INPP4B: variants seen among roughly 807,000 people sequenced by gnomAD.
The protein encoded by INPP4B is inositol polyphosphate-4-phosphatase type II B.
In INPP4B, 55 loss-of-function variants were observed where a neutral mutation model predicts 122.5. That is an observed-to-expected ratio of 0.45 (90% CI 0.36 to 0.56). The LOEUF is 0.56. Ranked by LOEUF, INPP4B falls within the 20% of genes least tolerant of loss-of-function variation. INPP4B has a pLI of 0.00. For synonymous variants in INPP4B, 403 were observed against 388.7 expected (o/e 1.04, Z -0.43); for missense variants, 1,000 against 1,097.7 (o/e 0.91, Z 1.26).
At chr4:142,253,987 C>T (rs1416755398) in intron 11 of INPP4B, among the ~76,000 whole-genome samples, 1 of 152,150 alleles carries the variant, frequency 6.6e-6, no homozygotes, top group East Asian at 1.9e-4. Flanking sequence ...AGTGGTTCTC[C>T]CAGCTCGCAG....
intron 22 of INPP4B, among the ~76,000 whole-genome samples, chr4:142,111,351 T>C (rs954129807): frequency 2.0e-5 from 3 of 152,112 alleles, no homozygotes; most frequent in Non-Finnish European, 4.4e-5. Flanking sequence ...TGATCTTTTT[T>C]TGTTTGTTTT....
At chr4:142,679,471 A>G (rs1758280380) in intron 2 of INPP4B, among the ~76,000 whole-genome samples, 1 of 151,896 alleles carries the variant, frequency 6.6e-6, no homozygotes, top group South Asian at 2.1e-4. Context: ...TTATGGCACT[A>G]GAGTTTTTTA....
At chr4:142,104,129 A>G (rs1313010157) in intron 23 of INPP4B, among the ~76,000 whole-genome samples, 1 of 152,094 alleles carries the variant, frequency 6.6e-6, no homozygotes, top group African/African-American at 2.4e-5. Flanking sequence ...CACAAAAGAT[A>G]TGGGCATTAT....
chr4:142,170,288 TAAG>T (rs1263919043), intron 16 of INPP4B, among the ~76,000 whole-genome samples: 1 of 151,728 alleles, frequency 6.6e-6, no homozygotes, highest in Non-Finnish European at 1.5e-5. Context: ...CAATTATCCA[TAAG>T]AAGGCATAAC....
intron 1 of INPP4B, among the ~76,000 whole-genome samples, chr4:142,781,016 T>G (rs912513942): frequency 6.6e-6 from 1 of 152,176 alleles, no homozygotes; most frequent in African/African-American, 2.4e-5. Context: ...TAATACTCAC[T>G]GAATTTGTGA....
rs184900813 is a variant in INPP4B at position 142,427,172 on chromosome 4, A to T, written c.136+2001T>A. The T allele has an allele frequency of 2.9e-4, 55 of 190,568 alleles. No homozygotes were observed. In the East Asian group the frequency reaches 5.9e-3, roughly 21 times the overall value. 11.8% of individuals were successfully genotyped at this position (190,568 alleles called of 1,614,324 possible). A position where few individuals can be genotyped will look rare whatever the true frequency, so the allele number is the denominator to read the frequency against. On this transcript the variant is annotated intron_variant, in intron 5 of 25. Coordinates refer to ENST00000262992, the MANE Select transcript of INPP4B (RefSeq NM_001101669.3). ...TAATACCCTTGAAAGAGTAGTTTTTAAAAAATTCTTCAAGAAATGGTGTAG... is the reference window on the plus strand; with the variant it reads ...TAATACCCTTGAAAGAGTAGTTTTTTAAAAATTCTTCAAGAAATGGTGTAG...
intron 2 of INPP4B, among the ~76,000 whole-genome samples, chr4:142,641,889 G>A (rs1750559498): frequency 6.6e-6 from 1 of 152,186 alleles, no homozygotes. Flanking sequence ...CACCAACAGT[G>A]TAAAAGTGTT....
intron 2 of INPP4B, among the ~76,000 whole-genome samples, chr4:142,464,321 G>A (rs1817313109): frequency 6.6e-6 from 1 of 152,064 alleles, no homozygotes; most frequent in African/African-American, 2.4e-5. Flanking sequence ...GTCAAAAGAT[G>A]TAGTAACTCA....
At chr4:142,272,369 T>A (rs1746282812) in intron 9 of INPP4B, among the ~76,000 whole-genome samples, 2 of 152,002 alleles carry the variant, frequency 1.3e-5, no homozygotes, top group South Asian at 4.1e-4. Flanking sequence ...AAATTTCTGA[T>A]AGCATGTACA....
chr4:142,642,093 C>T (rs377565172), intron 2 of INPP4B, among the ~76,000 whole-genome samples: 48 of 152,172 alleles, frequency 3.2e-4, no homozygotes, highest in East Asian at 9.7e-4. Context: ...TCATATCCTT[C>T]GCCCACTTGT....
chr4:142,318,121 G>A (rs1768494757), intron 7 of INPP4B, among the ~76,000 whole-genome samples: 1 of 152,086 alleles, frequency 6.6e-6, no homozygotes, highest in Admixed American at 6.6e-5. Flanking sequence ...ATTTAACATG[G>A]GGACAATAGA....
At position 142,028,287 on chromosome 4, in the gene INPP4B, C is replaced by CTAAT. The variant is rs1271370741; in HGVS notation, c.*491_*494dup. 7.9e-5 allele frequency: 18 copies of CTAAT among 227,124 alleles called. No homozygotes were observed. Among genetic ancestry groups the CTAAT allele is most frequent in the African/African-American group, 3.8e-4 (17 of 44,946 alleles). The allele number at this position is 227,124 out of a possible 1,614,324, so 14.1% of individuals were successfully genotyped here. A position where few individuals can be genotyped will look rare whatever the true frequency, so the allele number is the denominator to read the frequency against. The stretch of plus-strand genomic sequence containing the variant: ...ATTCCAGATCATGAGTTAACTCTAC[C>CTAAT]TAATTGAGTGGCTACACATTTTTTT... On this transcript the variant is annotated 3_prime_UTR_variant, in exon 26 of 26. Coordinates refer to ENST00000262992, the MANE Select transcript of INPP4B (RefSeq NM_001101669.3).
intron 2 of INPP4B, among the ~76,000 whole-genome samples, chr4:142,579,875 G>A (rs1974937): frequency 0.47 from 45,078 of 96,766 alleles, 7,888 homozygotes; most frequent in Middle Eastern, 0.53. Context: ...AGATAGATAG[G>A]TAGGTAGATA....
chr4:142,141,900 T>C (rs1263743911), intron 18 of INPP4B, among the ~76,000 whole-genome samples: 4 of 152,084 alleles, frequency 2.6e-5, no homozygotes, highest in Admixed American at 6.6e-5. Context: ...TGTCATAGGA[T>C]TGATTTACTC....
At position 142,323,691 on chromosome 4, in the gene INPP4B, C is replaced by T. The variant is rs920323270; in HGVS notation, c.373-8929G>A. Among the ~76,000 whole-genome samples the T allele has an allele frequency of 5.3e-5, 8 of 151,780 alleles. No homozygotes were observed. The East Asian group carries it at 7.7e-4, about 15-fold the overall frequency. ...CAATCTCCTGACCTTGTGATCTGCC[C>T]GCCTTGGCCTCCCAAAGTGCAGGGA... On this transcript the variant is annotated intron_variant, in intron 7 of 25. Transcript: ENST00000262992.
At chr4:142,294,357 T>C (rs955347325) in intron 9 of INPP4B, among the ~76,000 whole-genome samples, 4 of 151,978 alleles carry the variant, frequency 2.6e-5, no homozygotes, top group African/African-American at 4.8e-5. Context: ...AAGACAGTCA[T>C]TGGTCACAGG....
chr4:142,042,581 T>C (rs910781325), intron 25 of INPP4B, among the ~76,000 whole-genome samples: 5 of 148,800 alleles, frequency 3.4e-5, no homozygotes, highest in Non-Finnish European at 7.5e-5. Flanking sequence ...TATTTATTTT[T>C]AGACAGAGTC....
rs556736876 is a variant in INPP4B, at chr4:142,331,415, G to A, written c.373-16653C>T. On this transcript the variant is annotated intron_variant, in intron 7 of 25. Transcript: ENST00000262992. ...GGGACCCAGATCTACTGGGATCCTC[G>A]TGTACTGTGAACCTGGCTGCAACTG... Among the ~76,000 whole-genome samples the A allele has an allele frequency of 6.6e-5, 10 of 152,272 alleles. No homozygotes were observed. In the East Asian group the frequency reaches 9.7e-4, roughly 15 times the overall value.
At chr4:142,111,594 G>A (rs748519966) in intron 22 of INPP4B, among the ~76,000 whole-genome samples, 31 of 148,516 alleles carry the variant, frequency 2.1e-4, no homozygotes, top group Non-Finnish European at 1.0e-4. Context: ...TGATCCACCT[G>A]CCTCTGCCTC....
Sources: gnomAD v4.1 joint callset for allele counts (sites outside exome capture counted in the v4.1 genomes callset) on GRCh38, gnomAD v4.1.1 for gene constraint, MANE v1.5 for transcripts, NCBI Gene and HGNC (gene_info 2026-07-23, HGNC 2026-07-21) for gene names.